The following CDA variants were observed in gnomAD, a reference collection of about 807,000 sequenced individuals.
CDA encodes the protein cytidine aminohydrolase.
CDA carries 7 observed loss-of-function variants against 15.0 expected under a neutral mutation model. The ratio of observed to expected loss-of-function variants is 0.47; its 90% CI spans 0.26 to 0.87. CDA has a LOEUF of 0.87. CDA is among the 40% of genes least tolerant of loss of function. CDA has a pLI of 0.15. For missense variants in CDA, 159 were observed against 182.7 expected (o/e 0.87, Z 0.75); for synonymous variants, 58 against 73.0 (o/e 0.79, Z 1.05).
At chr1:20,604,693 A>G (rs767096248) in intron 1 of CDA, among the ~76,000 whole-genome samples, 4 of 152,116 alleles carry the variant, frequency 2.6e-5, no homozygotes, top group African/African-American at 9.7e-5. Context: ...GTGCTTCATC[A>G]TGGAGGCATT....
chr1:20,605,655 G>A (rs2052689370), intron 2 of CDA, among the ~76,000 whole-genome samples: 1 of 107,418 alleles, frequency 9.3e-6, no homozygotes, highest in Non-Finnish European at 2.0e-5. Context: ...GCAAGACTCC[G>A]TCTCAAAAAA....
At chr1:20,600,433 A>G (rs946478018) in intron 1 of CDA, among the ~76,000 whole-genome samples, 1 of 151,958 alleles carries the variant, frequency 6.6e-6, no homozygotes, top group Non-Finnish European at 1.5e-5. Context: ...GTGAGCAGAT[A>G]TGGCAGGTGA....
rs139377057 is a variant in CDA, at chr1:20,610,973, C to T, written c.267-2869C>T. ...TCCTGTGTTCTGCCAGGCATGGTGG[C>T]TCATGTCTGTAATCCCAGTACTTTG... On this transcript the variant is annotated intron_variant, in intron 2 of 3. Transcript: ENST00000375071. Among the ~76,000 whole-genome samples, 374 of 152,336 alleles carry T rather than the reference C, an allele frequency of 2.5e-3. 2 individuals are homozygous for T. The highest frequency in any genetic ancestry group is 8.4e-3 in the African/African-American group (351 of 41,564).
intron 3 of CDA, among the ~76,000 whole-genome samples, chr1:20,617,824 T>C (rs2154532972): frequency 6.6e-6 from 1 of 150,746 alleles, no homozygotes; most frequent in Non-Finnish European, 1.5e-5. Flanking sequence ...GCCTTCTGAG[T>C]AGCTGGGATT....
chr1:20,610,418 A>G (rs1322199587), intron 2 of CDA, among the ~76,000 whole-genome samples: 1 of 151,570 alleles, frequency 6.6e-6, no homozygotes, highest in Non-Finnish European at 1.5e-5. Context: ...TCTCTGCCTC[A>G]GCCTCCCAAG....
chr1:20,591,822 A>G (rs1019618323), intron 1 of CDA, among the ~76,000 whole-genome samples: 4 of 148,784 alleles, frequency 2.7e-5, no homozygotes, highest in Non-Finnish European at 5.9e-5. Flanking sequence ...CAGCTCATAC[A>G]TTTTATTTAT....
At chr1:20,611,033 A>G (rs1438593428) in intron 2 of CDA, among the ~76,000 whole-genome samples, 3 of 152,192 alleles carry the variant, frequency 2.0e-5, no homozygotes, top group Non-Finnish European at 4.4e-5. Flanking sequence ...TGAGCCCAGA[A>G]GTTCAAGACC....
At chr1:20,604,650 A>C (rs975111557) in intron 1 of CDA, among the ~76,000 whole-genome samples, 1 of 152,092 alleles carries the variant, frequency 6.6e-6, no homozygotes, top group African/African-American at 2.4e-5. Context: ...GGAGCTGCCT[A>C]ATCTGCCTGT....
chr1:20,609,211 G>A (rs1367182692), intron 2 of CDA, among the ~76,000 whole-genome samples: 3 of 152,142 alleles, frequency 2.0e-5, no homozygotes, highest in Non-Finnish European at 2.9e-5. Flanking sequence ...AAGGCCGGGC[G>A]CAGTGGCTCA....
intron 1 of CDA, among the ~76,000 whole-genome samples, chr1:20,593,533 T>G (rs945614452): frequency 6.6e-6 from 1 of 152,172 alleles, no homozygotes; most frequent in African/African-American, 2.4e-5. Context: ...TTTCTGGGCA[T>G]CAGGGAACAT....
intron 1 of CDA, among the ~76,000 whole-genome samples, chr1:20,590,469 G>T (rs532026810): frequency 1.3e-5 from 2 of 152,090 alleles, no homozygotes; most frequent in Non-Finnish European, 2.9e-5. Flanking sequence ...CACCACCACC[G>T]CAAACACCAT....
chr1:20,618,401 A>C, intron 3 of CDA, 51 bp from the exon 4 acceptor site: 1 of 1,034,558 alleles, frequency 9.7e-7, no homozygotes, highest in South Asian at 1.3e-5. Context: ...AGTCCGTCTC[A>C]GCCCCCTCAG....
intron 2 of CDA, among the ~76,000 whole-genome samples, chr1:20,612,772 G>A (rs938398606): frequency 7.2e-5 from 11 of 151,990 alleles, no homozygotes; most frequent in South Asian, 2.1e-4. Flanking sequence ...GTGAAACCCC[G>A]TCTCTACTAA....
At chr1:20,597,668 C>T (rs1361251035) in intron 1 of CDA, among the ~76,000 whole-genome samples, 4 of 152,184 alleles carry the variant, frequency 2.6e-5, no homozygotes, top group East Asian at 1.9e-4. Context: ...GCACTATGAT[C>T]GTAGTATTAT....
intron 2 of CDA, among the ~76,000 whole-genome samples, chr1:20,606,422 C>A (rs147477458): frequency 3.3e-5 from 5 of 152,136 alleles, no homozygotes; most frequent in Non-Finnish European, 7.4e-5. Flanking sequence ...GAAATTGAGG[C>A]CCCGATAAGT....
At chr1:20,615,757 T>G (rs1485242348) in intron 3 of CDA, among the ~76,000 whole-genome samples, 3 of 152,106 alleles carry the variant, frequency 2.0e-5, no homozygotes, top group African/African-American at 4.8e-5. Context: ...GCCCTGCACT[T>G]TGGGAGACTG....
intron 1 of CDA, among the ~76,000 whole-genome samples, chr1:20,594,320 A>G (rs569515138): frequency 8.5e-5 from 13 of 152,274 alleles, no homozygotes; most frequent in African/African-American, 3.1e-4. Context: ...AACTACAGCA[A>G]TTAGGTTTTC....
intron 2 of CDA, among the ~76,000 whole-genome samples, chr1:20,609,222 T>A (rs1269814115): frequency 6.6e-6 from 1 of 152,186 alleles, no homozygotes; most frequent in Non-Finnish European, 1.5e-5. Context: ...CAGTGGCTCA[T>A]GCCTATAATC....
At chr1:20,612,277 C>T (rs2052758771) in intron 2 of CDA, among the ~76,000 whole-genome samples, 1 of 152,176 alleles carries the variant, frequency 6.6e-6, no homozygotes, top group Admixed American at 6.5e-5. Context: ...AGTGGCCATT[C>T]TGACATCTTG....
Sources: gnomAD v4.1 joint callset for allele counts (sites outside exome capture counted in the v4.1 genomes callset) on GRCh38, gnomAD v4.1.1 for gene constraint, MANE v1.5 for transcripts, NCBI Gene and HGNC (gene_info 2026-07-23, HGNC 2026-07-21) for gene names.